The following DDX25 variants were observed in gnomAD, a reference collection of about 807,000 sequenced individuals.
The protein encoded by DDX25 is ATP-dependent RNA helicase DDX25.
A neutral mutation model predicts 64.6 loss-of-function variants in DDX25; 70 were observed. That is an observed-to-expected ratio of 1.08 (90% CI 0.89 to 1.32). The LOEUF (loss-of-function observed/expected upper bound fraction) is 1.32. Among genes scored for constraint, DDX25 ranks in the 40% most tolerant of loss-of-function variants. The probability of loss-of-function intolerance (pLI) is 0.00; values close to 1 mark genes in which losing one functional copy is unlikely to be tolerated. For missense variants in DDX25, 587 were observed against 604.4 expected, an observed-to-expected ratio of 0.97 and a Z score of 0.30; for synonymous variants, 211 against 213.3, an observed-to-expected ratio of 0.99 and a Z score of 0.09.
chr11:125,916,127 T>C (rs1945033165), intron 8 of DDX25, among the ~76,000 whole-genome samples: 1 of 152,234 alleles, frequency 6.6e-6, no homozygotes. Flanking sequence ...TCTTTCACTC[T>C]CTTTTAGCAC....
chr11:125,918,910 A>C, intron 10 of DDX25, 120 bp downstream of exon 10: 1 of 1,209,654 alleles, frequency 8.3e-7, no homozygotes, highest in Non-Finnish European at 1.1e-6. Flanking sequence ...ACTGTCATCA[A>C]AATACAGAGC....
At chr11:125,910,833 A>G (rs1944957068) in intron 7 of DDX25, among the ~76,000 whole-genome samples, 1 of 152,204 alleles carries the variant, frequency 6.6e-6, no homozygotes, top group African/African-American at 2.4e-5. Context: ...CAAAAAGATT[A>G]AAAGTGAAAG....
chr11:125,911,410 T>A lies in DDX25; in HGVS notation c.722T>A (p.Ile241Asn), dbSNP rs889271982. 1.2e-6 allele frequency: 2 copies of A among 1,613,802 alleles called. No individual in the cohort carries two copies. The highest frequency in any genetic ancestry group is 2.7e-5 in the African/African-American group (2 of 74,920). Residue 241 changes from isoleucine (I) to asparagine (N), a missense_variant, in exon 8 of 12, where the codon ATT (isoleucine) becomes AAT (asparagine). Ile to Asn is a moderately radical substitution (Grantham distance 149). Transcript: ENST00000263576. ...CTAAAATTGATTGATTTGACTAAGA[T>A]TCGTGTGTTTGTCCTGGATGAAGCA... ...FKLKLIDLTK[I>N]RVFVLDEADV...
intron 6 of DDX25, 104 bp from the exon 7 acceptor site, chr11:125,910,260 A>G (rs2134276748): frequency 2.3e-6 from 2 of 888,154 alleles, no homozygotes; most frequent in Non-Finnish European, 1.8e-6. Flanking sequence ...AAAACCTTCA[A>G]TTTCCTTTCT....
In DDX25 at chr11:125,927,639, T is replaced by G. The variant is rs1293196821; in HGVS notation, c.*4758T>G. 6.6e-6 allele frequency: 1 copy of G among 152,212 alleles called. No homozygotes were observed. Among genetic ancestry groups the G allele is most frequent in the Non-Finnish European group, 1.5e-5 (1 of 68,030 alleles). The allele number at this position is 152,212 out of a possible 1,614,324, so 9.4% of individuals were successfully genotyped here. On this transcript the variant is annotated 3_prime_UTR_variant, in exon 12 of 12. Transcript: ENST00000263576. ...AATGGTACTGCCTCACTCCAGCTCC[T>G]TAGTGTGTGATCATGGCTTGAAATC...
chr11:125,906,005 GAGAA>G, intron 3 of DDX25, 65 bp from the exon 4 acceptor site: 1 of 1,481,994 alleles, frequency 6.7e-7, no homozygotes. Flanking sequence ...ACCACTGAAA[GAGAA>G]AGAGCAACTT....
upstream of DDX25, chr11:125,904,406 C>T: frequency 9.2e-7 from 1 of 1,084,650 alleles, no homozygotes; most frequent in Non-Finnish European, 1.2e-6. Flanking sequence ...GTCGCGGGCG[C>T]GGACGCGGAC....
At chr11:125,905,106 C>T (rs571558984) in intron 1 of DDX25, 106 bp from the exon 2 acceptor site, 2 of 1,002,868 alleles carry the variant, frequency 2.0e-6, no homozygotes, top group East Asian at 2.6e-5. Flanking sequence ...GGAAGCAATA[C>T]CCGGGTGTCC....
chr11:125,910,479 G>A lies in DDX25; in HGVS notation c.622+1G>A. 6.2e-7 allele frequency: 1 copy of A among 1,613,554 alleles called. No homozygotes were observed. Among genetic ancestry groups the A allele is most frequent in the Non-Finnish European group, 8.5e-7 (1 of 1,179,532 alleles). ...ATGTATGCCATTCGAGGGAATCGAA[G>A]TATGTACCAGTAAGCCAGTCCTGGC... On this transcript the variant is annotated splice_donor_variant, in intron 7 of 11. Coordinates refer to ENST00000263576, the MANE Select transcript of DDX25 (RefSeq NM_013264.5). LOFTEE classifies it high-confidence loss of function.
chr11:125,916,879 G>C, intron 8 of DDX25, 135 bp from the exon 9 acceptor site: 1 of 798,818 alleles, frequency 1.3e-6, no homozygotes, highest in Non-Finnish European at 2.0e-6. Context: ...TCTGCCTGGA[G>C]ATACAGCTGG....
rs1160026916 is a variant in DDX25, at chr11:125,908,428, G to T, written c.432G>T (p.Gln144His). The change falls in exon 6 of 12, where the codon CAG (glutamine) becomes CAT (histidine). Residue 144 changes from glutamine to histidine, a missense_variant. By Grantham distance (24) the Gln-to-His change is conservative. Coordinates refer to ENST00000263576, the MANE Select transcript of DDX25 (RefSeq NM_013264.5). ...HPPQNLIAQSQSGTGKTAAFV... is the reference protein window; with the variant it reads ...HPPQNLIAQSHSGTGKTAAFV... ...CCCAGAACCTCATAGCACAGAGCCAGTCTGGAACAGGAAAGACAGCGGCAT... is the reference window on the plus strand; with the variant it reads ...CCCAGAACCTCATAGCACAGAGCCATTCTGGAACAGGAAAGACAGCGGCAT... 1 of 1,613,998 alleles carries T rather than the reference G, an allele frequency of 6.2e-7. No individual in the cohort carries two copies. The highest frequency in any genetic ancestry group is 8.5e-7 in the Non-Finnish European group (1 of 1,179,886).
intron 10 of DDX25, among the ~76,000 whole-genome samples, chr11:125,920,268 C>T (rs534371669): frequency 1.1e-4 from 17 of 152,250 alleles, no homozygotes; most frequent in African/African-American, 4.1e-4. Context: ...GAAACCCCAT[C>T]TCTACTAAAA....
intron 8 of DDX25, among the ~76,000 whole-genome samples, chr11:125,914,668 T>C (rs760489372): frequency 6.6e-6 from 1 of 152,198 alleles, no homozygotes; most frequent in Non-Finnish European, 1.5e-5. Context: ...CTCTTACCAA[T>C]AAGTTGGTTT....
rs1945165685 is a variant in DDX25 at position 125,926,164 on chromosome 11, T to C, written c.*3283T>C. The C allele has an allele frequency of 6.6e-6, 1 of 152,328 alleles. No individual in the cohort carries two copies. Among genetic ancestry groups the C allele is most frequent in the Admixed American group, 6.5e-5 (1 of 15,282 alleles). 9.4% of individuals were successfully genotyped at this position (152,328 alleles called of 1,614,324 possible). A position where few individuals can be genotyped will look rare whatever the true frequency, so the allele number is the denominator to read the frequency against. Reference sequence around the variant, plus strand: ...TCCAGCTGTTGGGATGGGCCTGCACTTTGCTCTCTGAACCGGGGGGCATTA... The same window carrying C: ...TCCAGCTGTTGGGATGGGCCTGCACCTTGCTCTCTGAACCGGGGGGCATTA... On this transcript the variant is annotated 3_prime_UTR_variant, in exon 12 of 12. Transcript: ENST00000263576.
At chr11:125,907,547 G>C (rs1944910601) in intron 4 of DDX25, among the ~76,000 whole-genome samples, 1 of 152,060 alleles carries the variant, frequency 6.6e-6, no homozygotes. Flanking sequence ...GGTGGAGCTT[G>C]CAGTGAGCTG....
At position 125,906,213 on chromosome 11, in the gene DDX25, A is replaced by G; in HGVS notation, c.311+4A>G. The G allele has an allele frequency of 6.5e-7, 1 of 1,533,662 alleles. No homozygotes were observed. The highest frequency in any genetic ancestry group is 1.3e-5 in the South Asian group (1 of 79,570). The stretch of plus-strand genomic sequence containing the variant: ...AGACATTTGAAGAGCTGCGGCTGTG[A>G]GTATTTTTACTCTTTTAATATGGGA... On this transcript the variant is annotated splice_donor_region_variant and intron_variant, in intron 4 of 11. Transcript: ENST00000263576.
intron 10 of DDX25, among the ~76,000 whole-genome samples, chr11:125,919,639 AT>A (rs55672803): frequency 0.43 from 63,909 of 149,898 alleles, 13,721 homozygotes; most frequent in Non-Finnish European, 0.44. Flanking sequence ...CTCATACCAC[AT>A]TTCCTAGTTC....
At chr11:125,905,110 G>A (rs1406092362) in intron 1 of DDX25, 102 bp from the exon 2 acceptor site, 2 of 1,041,410 alleles carry the variant, frequency 1.9e-6, no homozygotes, top group Non-Finnish European at 2.9e-6. Context: ...GCAATACCCG[G>A]GTGTCCTTCC....
chr11:125,924,020 C>A lies in DDX25; in HGVS notation c.*1139C>A, dbSNP rs1945145084. The stretch of plus-strand genomic sequence containing the variant: ...CAGTGGCTCACACCTGTAATCCTAG[C>A]ACTTTGGGAGGCCAAGGAGGGCGGA... On this transcript the variant is annotated 3_prime_UTR_variant, in exon 12 of 12. Coordinates refer to ENST00000263576, the MANE Select transcript of DDX25 (RefSeq NM_013264.5). The A allele has an allele frequency of 6.6e-6, 1 of 152,244 alleles. No individual in the cohort carries two copies. Among genetic ancestry groups the A allele is most frequent in the Non-Finnish European group, 1.5e-5 (1 of 68,094 alleles). The allele number at this position is 152,244 out of a possible 1,614,324, so 9.4% of individuals were successfully genotyped here. A position where few individuals can be genotyped will look rare whatever the true frequency, so the allele number is the denominator to read the frequency against.
Sources: gnomAD v4.1 joint callset for allele counts (sites outside exome capture counted in the v4.1 genomes callset) on GRCh38, gnomAD v4.1.1 for gene constraint, MANE v1.5 for transcripts, NCBI Gene and HGNC (gene_info 2026-07-23, HGNC 2026-07-21) for gene names.